The following LINGO2 variants were observed in gnomAD, a reference collection of about 807,000 sequenced individuals.
The protein encoded by LINGO2 is leucine rich repeat and Ig domain containing 2.
A neutral mutation model predicts 30.6 loss-of-function variants in LINGO2; 14 were observed. That is an observed-to-expected ratio of 0.46 (90% confidence interval 0.30 to 0.72). LINGO2 has a LOEUF of 0.72. LINGO2 is among the 30% of genes least tolerant of loss of function. The probability of loss-of-function intolerance (pLI) is 0.07; values close to 1 mark genes in which losing one functional copy is unlikely to be tolerated. For synonymous variants in LINGO2, 317 were observed against 288.5 expected (o/e 1.10, Z -1.00); for missense variants, 729 against 751.7 (o/e 0.97, Z 0.35).
At chr9:28,501,797 C>T (rs767914026) in intron 1 of LINGO2, among the ~76,000 whole-genome samples, 2 of 152,078 alleles carry the variant, frequency 1.3e-5, no homozygotes, top group Non-Finnish European at 2.9e-5. Context: ...GATTTATTGT[C>T]CATTTTTCCA....
chr9:28,089,410 C>T (rs1826008577), intron 4 of LINGO2, among the ~76,000 whole-genome samples: 2 of 152,186 alleles, frequency 1.3e-5, no homozygotes, highest in African/African-American at 4.8e-5. Context: ...GATTAAGAAA[C>T]TCACTCAAAA....
chr9:28,916,617 CT>C, the LINGO2 span, among the ~76,000 whole-genome samples: 17 of 152,294 alleles, frequency 1.1e-4, no homozygotes, highest in South Asian at 3.5e-3. Context: ...GTTGTCTTGC[CT>C]TTTAGGGCTG....
chr9:29,181,102 A>G, the LINGO2 span, among the ~76,000 whole-genome samples: 134 of 152,344 alleles, frequency 8.8e-4, 1 homozygote, highest in African/African-American at 3.1e-3. Context: ...GACAGCATTT[A>G]TACAGAGCAA....
At chr9:28,861,884 A>T in the LINGO2 span, among the ~76,000 whole-genome samples, 1 of 152,122 alleles carries the variant, frequency 6.6e-6, no homozygotes, top group Non-Finnish European at 1.5e-5. Context: ...AAATTAGGAT[A>T]CAAGGATATA....
chr9:27,954,048 G>C (rs189383070), intron 5 of LINGO2, among the ~76,000 whole-genome samples: 1 of 152,104 alleles, frequency 6.6e-6, no homozygotes, highest in African/African-American at 2.4e-5. Context: ...TTTATAATTA[G>C]AAAAATAATT....
At chr9:28,717,623 A>G in the LINGO2 span, among the ~76,000 whole-genome samples, 1 of 152,094 alleles carries the variant, frequency 6.6e-6, no homozygotes, top group Non-Finnish European at 1.5e-5. Context: ...CAATGAATTC[A>G]TAGACACATA....
chr9:28,249,179 A>G (rs1426360991), intron 4 of LINGO2, among the ~76,000 whole-genome samples: 1 of 152,130 alleles, frequency 6.6e-6, no homozygotes, highest in Non-Finnish European at 1.5e-5. Context: ...GCAACATTCA[A>G]TATATATTCC....
chr9:28,998,622 T>C, the LINGO2 span, among the ~76,000 whole-genome samples: 1 of 152,030 alleles, frequency 6.6e-6, no homozygotes. Context: ...ATAGAATCGG[T>C]ACATCCTAGA....
chr9:28,996,118 T>TAA, the LINGO2 span, among the ~76,000 whole-genome samples: 1 of 144,444 alleles, frequency 6.9e-6, no homozygotes. Context: ...TATATTGCTT[T>TAA]AAAAAAAAAA....
At chr9:28,761,757 C>A in the LINGO2 span, among the ~76,000 whole-genome samples, 4 of 151,980 alleles carry the variant, frequency 2.6e-5, no homozygotes, top group East Asian at 7.7e-4. Context: ...TATGGTAACA[C>A]AATTAGCTAA....
chr9:29,074,911 C>T, the LINGO2 span, among the ~76,000 whole-genome samples: 1 of 151,706 alleles, frequency 6.6e-6, no homozygotes, highest in Non-Finnish European at 1.5e-5. Context: ...CTCCTGACCT[C>T]GTGATCCGCC....
chr9:29,188,701 G>A, the LINGO2 span, among the ~76,000 whole-genome samples: 3 of 140,306 alleles, frequency 2.1e-5, no homozygotes, highest in Non-Finnish European at 4.7e-5. Flanking sequence ...CCAGGCGGGG[G>A]GCTGACCCCC....
the LINGO2 span, among the ~76,000 whole-genome samples, chr9:29,191,636 G>A: frequency 6.6e-6 from 1 of 151,990 alleles, no homozygotes; most frequent in Non-Finnish European, 1.5e-5. Context: ...GAAACATTCT[G>A]GGGTTGCTTC....
rs985040669 is a variant in LINGO2 at position 28,308,237 on chromosome 9, A to C, written c.-245-12871T>G. On this transcript the variant is annotated intron_variant, in intron 3 of 5. Transcript: ENST00000379992. ...GGTACTGGTACCAAAACAGAGATAT[A>C]GATCAATGGAACAGAACAGAGCCCT... 1.0e-3 allele frequency among the ~76,000 whole-genome samples: 132 copies of C among 129,576 alleles called. 17 individuals are homozygous for C. Among genetic ancestry groups the C allele is most frequent in the Non-Finnish European group, 4.0e-4 (22 of 55,666 alleles). 85.0% of individuals were successfully genotyped at this position (129,576 alleles called of 152,430 possible). A position where few individuals can be genotyped will look rare whatever the true frequency, so the allele number is the denominator to read the frequency against.
At chr9:29,014,265 C>A in the LINGO2 span, among the ~76,000 whole-genome samples, 1 of 152,252 alleles carries the variant, frequency 6.6e-6, no homozygotes, top group East Asian at 1.9e-4. Context: ...ATAAGCCACA[C>A]TAAAATGGAC....
At chr9:28,810,627 A>G in the LINGO2 span, among the ~76,000 whole-genome samples, 1 of 152,186 alleles carries the variant, frequency 6.6e-6, no homozygotes, top group Non-Finnish European at 1.5e-5. Flanking sequence ...GAATAAAAAA[A>G]GATTAAGAGA....
At chr9:29,025,107 C>A in the LINGO2 span, among the ~76,000 whole-genome samples, 1 of 151,672 alleles carries the variant, frequency 6.6e-6, no homozygotes, top group African/African-American at 2.4e-5. Flanking sequence ...AGATTGCAAT[C>A]TGTTTTTCAA....
the LINGO2 span, among the ~76,000 whole-genome samples, chr9:29,192,734 G>C: frequency 7.2e-5 from 11 of 152,076 alleles, no homozygotes; most frequent in Admixed American, 7.2e-4. Context: ...TACCTCACAG[G>C]CCTCCTTTTA....
intron 5 of LINGO2, among the ~76,000 whole-genome samples, chr9:27,969,221 C>T (rs1407559837): frequency 2.0e-5 from 3 of 151,856 alleles, no homozygotes; most frequent in African/African-American, 7.3e-5. Context: ...TTATGGAAAA[C>T]AAAGTCATTT....
Sources: gnomAD v4.1 joint callset for allele counts (sites outside exome capture counted in the v4.1 genomes callset) on GRCh38, gnomAD v4.1.1 for gene constraint, MANE v1.5 for transcripts, NCBI Gene and HGNC (gene_info 2026-07-23, HGNC 2026-07-21) for gene names.